Variants in PIK3C2B observed in about 807,000 individuals in gnomAD.
PIK3C2B encodes phosphatidylinositol-4-phosphate 3-kinase catalytic subunit type 2 beta.
PIK3C2B carries 83 observed loss-of-function variants against 184.3 expected under a neutral mutation model. The ratio of observed to expected loss-of-function variants is 0.45; its 90% CI spans 0.38 to 0.54. PIK3C2B has a LOEUF of 0.54. PIK3C2B is among the 20% of genes least tolerant of loss of function. The probability of loss-of-function intolerance (pLI) is 0.00; values close to 1 mark genes in which losing one functional copy is unlikely to be tolerated. For synonymous variants in PIK3C2B, 779 were observed against 837.6 expected (o/e 0.93, Z 1.21); for missense variants, 1,736 against 2,113.5 (o/e 0.82, Z 3.50).
At chr1:204,446,836 C>T (rs186934012) in intron 15 of PIK3C2B, among the ~76,000 whole-genome samples, 38 of 152,286 alleles carry the variant, frequency 2.5e-4, no homozygotes, top group Non-Finnish European at 4.6e-4. Flanking sequence ...ACACACAACA[C>T]ACGCACAGGG....
Position 204,454,911 on chromosome 1 carries a change from G to A in PIK3C2B, c.1944-120C>T, listed in dbSNP as rs1654699977. 2.7e-6 allele frequency: 3 copies of A among 1,119,820 alleles called. No homozygotes were observed. The African/African-American group carries it at 4.7e-5, about 17-fold the overall frequency. The allele number at this position is 1,119,820 out of a possible 1,614,324, so 69.4% of individuals were successfully genotyped here. A position where few individuals can be genotyped will look rare whatever the true frequency, so the allele number is the denominator to read the frequency against. ...GTAAAACTCTCAGTCTCTGAGGGCT[G>A]TAACACAGGATCTCCGGATAGGACA... On this transcript the variant is annotated intron_variant, in intron 11 of 32. Transcript: ENST00000684373.
chr1:204,459,111 G>A (rs1251727840), intron 8 of PIK3C2B, among the ~76,000 whole-genome samples: 1 of 151,804 alleles, frequency 6.6e-6, no homozygotes, highest in Admixed American at 6.6e-5. Flanking sequence ...CAAACTCCTG[G>A]GCTCAAGCGA....
chr1:204,449,108 C>G, intron 14 of PIK3C2B, 77 bp downstream of exon 14: 6 of 1,057,396 alleles, frequency 5.7e-6, no homozygotes, highest in Non-Finnish European at 8.6e-6. Context: ...TGTCCCAGCC[C>G]AAATCTCCAG....
chr1:204,426,049 C>G (rs1674723419), intron 31 of PIK3C2B, among the ~76,000 whole-genome samples: 1 of 152,232 alleles, frequency 6.6e-6, no homozygotes, highest in Non-Finnish European at 1.5e-5. Flanking sequence ...CAGGTATCTT[C>G]CTGCCATATC....
chr1:204,470,555 G>A (rs375379416), intron 1 of PIK3C2B, among the ~76,000 whole-genome samples: 83 of 152,354 alleles, frequency 5.4e-4, no homozygotes, highest in African/African-American at 1.9e-3. Context: ...TACACTACTG[G>A]TGGGGAATGT....
chr1:204,480,242 C>T (rs1402372520), intron 1 of PIK3C2B, among the ~76,000 whole-genome samples: 1 of 152,220 alleles, frequency 6.6e-6, no homozygotes, highest in African/African-American at 2.4e-5. Context: ...GAGCAAGCGT[C>T]TCCAATTTGT....
chr1:204,485,442 C>T (rs1246986668), intron 1 of PIK3C2B, among the ~76,000 whole-genome samples: 2 of 151,934 alleles, frequency 1.3e-5, no homozygotes, highest in Non-Finnish European at 2.9e-5. Context: ...ATTATTATTC[C>T]TTTTTCTCAC....
At chr1:204,482,087 G>A (rs891282024) in intron 1 of PIK3C2B, among the ~76,000 whole-genome samples, 6 of 144,750 alleles carry the variant, frequency 4.1e-5, no homozygotes, top group Non-Finnish European at 7.5e-5. Flanking sequence ...ATTTTCCCAG[G>A]GAGGAATGAG....
At chr1:204,479,412 C>T (rs976798331) in intron 1 of PIK3C2B, among the ~76,000 whole-genome samples, 3 of 152,158 alleles carry the variant, frequency 2.0e-5, no homozygotes, top group African/African-American at 7.2e-5. Flanking sequence ...CCCTGACCAA[C>T]CTTGGCCTCC....
chr1:204,457,594 A>T, intron 9 of PIK3C2B, 134 bp downstream of exon 9: 1 of 826,382 alleles, frequency 1.2e-6, no homozygotes, highest in Non-Finnish European at 1.8e-6. Flanking sequence ...TGAATTCCTT[A>T]AACATAAAAG....
intron 16 of PIK3C2B, among the ~76,000 whole-genome samples, chr1:204,444,742 T>G (rs532941273): frequency 6.6e-6 from 1 of 152,358 alleles, no homozygotes; most frequent in South Asian, 2.1e-4. Flanking sequence ...ACTCCCACTG[T>G]GCCAGAAATT....
At chr1:204,446,272 A>T (rs1653857228) in intron 15 of PIK3C2B, 128 bp from the exon 16 acceptor site, 1 of 535,340 alleles carries the variant, frequency 1.9e-6, no homozygotes, top group Middle Eastern at 5.1e-4. Flanking sequence ...AGCGGTTCCC[A>T]AGCTTTGCTG....
chr1:204,429,135 G>C (rs1490371526), intron 29 of PIK3C2B, among the ~76,000 whole-genome samples: 1 of 152,066 alleles, frequency 6.6e-6, no homozygotes, highest in Non-Finnish European at 1.5e-5. Context: ...GACTGAGGTG[G>C]GAGGATCGCT....
intron 1 of PIK3C2B, among the ~76,000 whole-genome samples, chr1:204,475,098 T>C (rs1397062735): frequency 1.3e-5 from 2 of 152,140 alleles, no homozygotes; most frequent in Admixed American, 6.5e-5. Context: ...TTCCCCCTAC[T>C]AACCTTGGCC....
At position 204,466,115 on chromosome 1, in the gene PIK3C2B, C is replaced by T. The variant is rs563437318; in HGVS notation, c.934-796G>A. On this transcript the variant is annotated intron_variant, in intron 2 of 32. Transcript: ENST00000684373. Reference sequence around the variant, plus strand: ...CCCAGGAGGGTTCCTAAAGAAGCCCCTAGCAAGGCCTGTAGCCCAGCCCTA... The same window carrying T: ...CCCAGGAGGGTTCCTAAAGAAGCCCTTAGCAAGGCCTGTAGCCCAGCCCTA... 9.9e-5 allele frequency among the ~76,000 whole-genome samples: 15 copies of T among 152,272 alleles called. No individual in the cohort carries two copies. The East Asian group carries it at 2.9e-3, about 29-fold the overall frequency.
rs1443509935 is a variant in PIK3C2B at position 204,423,000 on chromosome 1, G to C, written c.*1852C>G. 1 of 152,134 alleles carries C rather than the reference G, an allele frequency of 6.6e-6. No homozygotes were observed. The highest frequency in any genetic ancestry group is 1.9e-4 in the East Asian group (1 of 5,198). The allele number at this position is 152,134 out of a possible 1,614,324, so 9.4% of individuals were successfully genotyped here. ...GTTTCTGATCCTTGGAATTAGGGAG[G>C]GACAGTTTACAGAATGTCCTCATTT... On this transcript the variant is annotated 3_prime_UTR_variant, in exon 33 of 33. Coordinates refer to ENST00000684373, the MANE Select transcript of PIK3C2B (RefSeq NM_001377334.1).
In PIK3C2B at chr1:204,469,122, G is replaced by T; in HGVS notation, c.681C>A (p.Asp227Glu). 6.2e-7 allele frequency: 1 copy of T among 1,614,184 alleles called. No homozygotes were observed. The highest frequency in any genetic ancestry group is 1.1e-5 in the South Asian group (1 of 91,084). ...TAATTGCATCATTGATACCATCATA[G>T]TCCACAGACCCCAGTAGGCGCCCCT... ...GGQGRLLGSV[D>E]YDGINDAITR... Residue 227 changes from aspartate (D) to glutamate (E), a missense_variant, in exon 2 of 33, where the codon GAC becomes GAA. Coordinates refer to ENST00000684373, the MANE Select transcript of PIK3C2B (RefSeq NM_001377334.1).
intron 28 of PIK3C2B, among the ~76,000 whole-genome samples, chr1:204,430,377 G>C (rs139122400): frequency 6.7e-6 from 1 of 149,628 alleles, no homozygotes; most frequent in African/African-American, 2.5e-5. Context: ...ATGGAGTCTC[G>C]CTCTGTCACC....
Position 204,447,308 on chromosome 1 carries a change from G to T in PIK3C2B, c.2489+128C>A. On this transcript the variant is annotated intron_variant, in intron 15 of 32. Coordinates refer to ENST00000684373, the MANE Select transcript of PIK3C2B (RefSeq NM_001377334.1). The surrounding 1 kb of genome is among the most constrained non-coding windows in gnomAD (Gnocchi z 4.1). Reference sequence around the variant, plus strand: ...GCTGATGGAGAAAGGCCTGGGGGCTGCCTCCACTTCCTGCTGAGATGGCAA... The same window carrying T: ...GCTGATGGAGAAAGGCCTGGGGGCTTCCTCCACTTCCTGCTGAGATGGCAA... The T allele has an allele frequency of 1.2e-6, 1 of 829,656 alleles. No homozygotes were observed. 51.4% of individuals were successfully genotyped at this position (829,656 alleles called of 1,614,324 possible). A position where few individuals can be genotyped will look rare whatever the true frequency, so the allele number is the denominator to read the frequency against.
Sources: gnomAD v4.1 joint callset for allele counts (sites outside exome capture counted in the v4.1 genomes callset) on GRCh38, gnomAD v4.1.1 for gene constraint, Gnocchi (gnomAD v3.1) non-coding constraint, MANE v1.5 for transcripts, NCBI Gene and HGNC (gene_info 2026-07-23, HGNC 2026-07-21) for gene names.